The following OTUD7A variants were observed in gnomAD, a reference collection of about 807,000 sequenced individuals.
OTUD7A encodes OTU domain-containing protein 7A.
A neutral mutation model predicts 65.7 loss-of-function variants in OTUD7A; 12 were observed. The observed-to-expected ratio is 0.18, with a 90% CI of 0.12 to 0.30. The LOEUF is 0.30. Ranked by LOEUF, OTUD7A falls within the 10% of genes least tolerant of loss-of-function variation. The pLI is 1.00. For synonymous variants in OTUD7A, 641 were observed against 586.3 expected, an observed-to-expected ratio of 1.09 and a Z score of -1.35; for missense variants, 1,148 against 1,304.8, an observed-to-expected ratio of 0.88 and a Z score of 1.85.
chr15:31,524,783 T>C (rs890822708), intron 8 of OTUD7A, among the ~76,000 whole-genome samples: 1 of 152,178 alleles, frequency 6.6e-6, no homozygotes, highest in Non-Finnish European at 1.5e-5. Flanking sequence ...ATTTTGGATA[T>C]TCCTAAAGGG....
intron 10 of OTUD7A, among the ~76,000 whole-genome samples, chr15:31,492,187 T>C (rs1388469479): frequency 1.3e-5 from 2 of 152,126 alleles, no homozygotes; most frequent in Non-Finnish European, 2.9e-5. Context: ...AAATAAAATG[T>C]CTGATAATAG....
intron 1 of OTUD7A, among the ~76,000 whole-genome samples, chr15:31,667,897 T>C (rs1892364616): frequency 6.6e-6 from 1 of 152,310 alleles, no homozygotes; most frequent in African/African-American, 2.4e-5. Flanking sequence ...TTCTATCATA[T>C]ATGATGCTTA....
intron 1 of OTUD7A, among the ~76,000 whole-genome samples, chr15:31,696,672 C>G (rs1240157434): frequency 6.6e-6 from 1 of 151,512 alleles, no homozygotes; most frequent in Non-Finnish European, 1.5e-5. Flanking sequence ...TCAGACCCAA[C>G]GGCTGCTGGT....
chr15:31,672,561 T>C (rs1462487514), intron 1 of OTUD7A, among the ~76,000 whole-genome samples: 1 of 152,192 alleles, frequency 6.6e-6, no homozygotes, highest in Non-Finnish European at 1.5e-5. Context: ...GACAGTGGTT[T>C]AGTTCCACTT....
intron 1 of OTUD7A, among the ~76,000 whole-genome samples, chr15:31,670,852 G>A (rs1172446448): frequency 1.3e-5 from 2 of 152,096 alleles, no homozygotes; most frequent in African/African-American, 2.4e-5. Flanking sequence ...AAAATTAGCC[G>A]GGCGTGGTGG....
rs189142094 is a variant in OTUD7A at position 31,844,335 on chromosome 15, T to C, written c.-100+26172A>G. Among the ~76,000 whole-genome samples, 1,070 of 152,212 alleles carry C rather than the reference T, an allele frequency of 7.0e-3. 15 individuals are homozygous for C. Among genetic ancestry groups the C allele is most frequent in the African/African-American group, 0.025 (1,030 of 41,538 alleles). On this transcript the variant is annotated intron_variant, in intron 1 of 12. Coordinates refer to ENST00000307050, the MANE Select transcript of OTUD7A (RefSeq NM_001382637.1). ...GCCTGACCAGCATAGTGAAACCCCG[T>C]CTCTACTAAAAATACAAAAATTAGC...
intron 1 of OTUD7A, among the ~76,000 whole-genome samples, chr15:31,676,944 C>A (rs1336255883): frequency 1.3e-5 from 2 of 152,200 alleles, no homozygotes; most frequent in Non-Finnish European, 2.9e-5. Flanking sequence ...CATTTATGAC[C>A]TTGCGGTAAT....
chr15:31,590,247 A>G (rs1361939456), intron 3 of OTUD7A, among the ~76,000 whole-genome samples: 1 of 152,242 alleles, frequency 6.6e-6, no homozygotes, highest in Non-Finnish European at 1.5e-5. Flanking sequence ...AATAGGTTAT[A>G]GCCTAGAGCC....
At chr15:31,771,411 C>T (rs1401849335) in intron 1 of OTUD7A, among the ~76,000 whole-genome samples, 1 of 152,200 alleles carries the variant, frequency 6.6e-6, no homozygotes, top group Non-Finnish European at 1.5e-5. Context: ...CATCTCCCTT[C>T]CCACCAAATG....
At chr15:31,773,968 T>C (rs139540698) in intron 1 of OTUD7A, among the ~76,000 whole-genome samples, 1 of 152,328 alleles carries the variant, frequency 6.6e-6, no homozygotes, top group East Asian at 1.9e-4. Flanking sequence ...CACTGTTTAA[T>C]TGTCAAGAAG....
rs1459197 is a variant in OTUD7A, at chr15:31,501,366, T to C, written c.1171+324A>G. ...TTAATACTTGCTTTTGAAGTTTTTT[T>C]CCCTTTAATTTATATCTAAGACTAA... On this transcript the variant is annotated intron_variant, in intron 10 of 12. Coordinates refer to ENST00000307050, the MANE Select transcript of OTUD7A (RefSeq NM_001382637.1). Among the ~76,000 whole-genome samples the C allele has an allele frequency of 1.4e-3, 206 of 152,378 alleles. 3 individuals carry two copies. In the East Asian group the frequency reaches 0.026, roughly 19 times the overall value.
At chr15:31,857,091 G>A (rs957109622) in intron 1 of OTUD7A, among the ~76,000 whole-genome samples, 1 of 152,214 alleles carries the variant, frequency 6.6e-6, no homozygotes, top group Non-Finnish European at 1.5e-5. Context: ...GAGGCTTAAA[G>A]AAGTGAGACA....
intron 1 of OTUD7A, among the ~76,000 whole-genome samples, chr15:31,800,478 C>T (rs890409579): frequency 6.6e-5 from 10 of 152,118 alleles, no homozygotes; most frequent in Non-Finnish European, 1.2e-4. Flanking sequence ...TCCTGAAGGT[C>T]GGGACTCCCC....
chr15:31,734,613 C>A lies in OTUD7A; in HGVS notation c.-99-77536G>T, dbSNP rs112113722. On this transcript the variant is annotated intron_variant, in intron 1 of 12. Coordinates refer to ENST00000307050, the MANE Select transcript of OTUD7A (RefSeq NM_001382637.1). ...AGAAATAAGACCGCACACCTTCAAC[C>A]ATTTAATCTTTGACAAACCTGACAA... Among the ~76,000 whole-genome samples, 49 of 152,220 alleles carry A rather than the reference C, an allele frequency of 3.2e-4. 1 individual carries two copies. The highest frequency in any genetic ancestry group is 6.8e-3 in the Middle Eastern group (2 of 294).
chr15:31,667,256 C>G (rs1892347021), intron 1 of OTUD7A, among the ~76,000 whole-genome samples: 1 of 151,922 alleles, frequency 6.6e-6, no homozygotes, highest in African/African-American at 2.4e-5. Flanking sequence ...GTGTTGCTGT[C>G]TATCTCATTT....
intron 8 of OTUD7A, among the ~76,000 whole-genome samples, chr15:31,518,344 G>A (rs1218059718): frequency 6.6e-6 from 1 of 151,992 alleles, no homozygotes; most frequent in Non-Finnish European, 1.5e-5. Flanking sequence ...TTGGTGGCTT[G>A]TGCCTGTAGT....
intron 1 of OTUD7A, among the ~76,000 whole-genome samples, chr15:31,702,878 T>G (rs1018047560): frequency 4.0e-5 from 6 of 151,634 alleles, no homozygotes; most frequent in Non-Finnish European, 5.9e-5. Context: ...TAATGAAGAC[T>G]GCAGTACTGG....
chr15:31,530,351 C>T (rs531024079), intron 6 of OTUD7A, among the ~76,000 whole-genome samples: 8 of 152,324 alleles, frequency 5.3e-5, no homozygotes, highest in African/African-American at 1.4e-4. Flanking sequence ...CTGCAATGCC[C>T]TCTTCTAGTC....
At chr15:31,752,788 C>T (rs1894673075) in intron 1 of OTUD7A, among the ~76,000 whole-genome samples, 1 of 150,154 alleles carries the variant, frequency 6.7e-6, no homozygotes, top group Non-Finnish European at 1.5e-5. Flanking sequence ...AGAGACTTAC[C>T]CTCATCATTT....
Sources: allele counts gnomAD v4.1 joint callset (sites outside exome capture counted in the v4.1 genomes callset), GRCh38; gene constraint gnomAD v4.1.1; transcripts MANE v1.5; gene names NCBI Gene and HGNC (gene_info 2026-07-23, HGNC 2026-07-21).